TEK: variants seen among roughly 807,000 people sequenced by gnomAD.
TEK encodes TEK receptor tyrosine kinase.
TEK carries 43 observed loss-of-function variants against 131.8 expected under a neutral mutation model. The observed-to-expected ratio is 0.33, with a 90% CI of 0.26 to 0.42. The LOEUF is 0.42. Among genes scored for constraint, TEK ranks in the 10% least tolerant of loss-of-function variants. The pLI is 1.00. For missense variants in TEK, 1,162 were observed against 1,384.4 expected (o/e 0.84, Z 2.55); for synonymous variants, 580 against 491.6 (o/e 1.18, Z -2.38).
chr9:27,162,138 T>C (rs1212268876), intron 2 of TEK, among the ~76,000 whole-genome samples: 2 of 152,240 alleles, frequency 1.3e-5, no homozygotes, highest in African/African-American at 4.8e-5. Flanking sequence ...TGAAATCCTT[T>C]ATGATGAATC....
rs566490 is a variant in TEK at position 27,204,800 on chromosome 9, G to A, written c.2210-111G>A. On this transcript the variant is annotated intron_variant, in intron 13 of 22. Coordinates refer to ENST00000380036, the MANE Select transcript of TEK (RefSeq NM_000459.5). ...GGTCATATAGTGGTTAGGTGGCAGG[G>A]TTAAGGCTGCTGTTAAGTTCCCATT... The A allele has an allele frequency of 0.24, 347,194 of 1,448,456 alleles. 45,061 individuals are homozygous for A. The highest frequency in any genetic ancestry group is 0.26 in the Non-Finnish European group (274,029 of 1,038,206). The allele number at this position is 1,448,456 out of a possible 1,614,324, so 89.7% of individuals were successfully genotyped here. A position where few individuals can be genotyped will look rare whatever the true frequency, so the allele number is the denominator to read the frequency against.
At chr9:27,206,890 C>T (rs1825419139) in intron 15 of TEK, 98 bp downstream of exon 15, 1 of 1,383,388 alleles carries the variant, frequency 7.2e-7, no homozygotes, top group Non-Finnish European at 1.0e-6. Context: ...AAAAAATTGG[C>T]ATGGTATCAG....
chr9:27,227,053 C>T (rs1039026913), intron 21 of TEK, among the ~76,000 whole-genome samples: 16 of 152,184 alleles, frequency 1.1e-4, no homozygotes, highest in African/African-American at 3.6e-4. Flanking sequence ...TTGAGATTCA[C>T]TTCATAAGGG....
intron 2 of TEK, among the ~76,000 whole-genome samples, chr9:27,166,426 C>T (rs574002467): frequency 2.0e-5 from 3 of 152,242 alleles, no homozygotes; most frequent in South Asian, 4.1e-4. Flanking sequence ...TTGTCAGTTT[C>T]TTTAATTCTG....
At chr9:27,191,623 G>C (rs954601601) in intron 10 of TEK, among the ~76,000 whole-genome samples, 2 of 151,566 alleles carry the variant, frequency 1.3e-5, no homozygotes, top group Admixed American at 1.3e-4. Flanking sequence ...GGAGGGTTTT[G>C]GGCTGAATAA....
intron 19 of TEK, among the ~76,000 whole-genome samples, chr9:27,218,180 C>G (rs573918): frequency 2.7e-5 from 4 of 146,320 alleles, no homozygotes; most frequent in Admixed American, 6.8e-5. Flanking sequence ...CAGAGGCTGG[C>G]GGTGAAAGGA....
At chr9:27,224,861 T>C (rs149777488) in intron 21 of TEK, among the ~76,000 whole-genome samples, 52 of 152,304 alleles carry the variant, frequency 3.4e-4, no homozygotes, top group African/African-American at 1.1e-3. Context: ...GAAAACCCCA[T>C]TGTCTCAGCC....
intron 1 of TEK, among the ~76,000 whole-genome samples, chr9:27,122,532 G>C (rs1821830742): frequency 6.6e-6 from 1 of 152,130 alleles, no homozygotes; most frequent in Non-Finnish European, 1.5e-5. Context: ...TTGGAGAAAA[G>C]GTAATTTGGT....
intron 4 of TEK, 98 bp downstream of exon 4, chr9:27,169,727 A>G: frequency 1.3e-6 from 2 of 1,540,308 alleles, no homozygotes; most frequent in Non-Finnish European, 1.8e-6. Context: ...CTTCTTAAGC[A>G]AAAACCAGGC....
intron 1 of TEK, among the ~76,000 whole-genome samples, chr9:27,154,871 G>A (rs563665570): frequency 2.6e-5 from 4 of 152,258 alleles, no homozygotes; most frequent in Admixed American, 1.3e-4. Flanking sequence ...GAAAGTAAAG[G>A]GAGATCTCTG....
At chr9:27,132,105 T>C (rs1452691970) in intron 1 of TEK, among the ~76,000 whole-genome samples, 10 of 150,902 alleles carry the variant, frequency 6.6e-5, no homozygotes, top group African/African-American at 2.4e-4. Flanking sequence ...TTTTTTTTCT[T>C]GAGACGGAGT....
chr9:27,143,933 G>C (rs193096758), intron 1 of TEK, among the ~76,000 whole-genome samples: 3 of 152,162 alleles, frequency 2.0e-5, no homozygotes, highest in Non-Finnish European at 4.4e-5. Context: ...AGTTGAATGT[G>C]GAGAGAAGAG....
intron 11 of TEK, among the ~76,000 whole-genome samples, chr9:27,196,065 C>T (rs1824997434): frequency 6.6e-6 from 1 of 152,142 alleles, no homozygotes; most frequent in Admixed American, 6.5e-5. Flanking sequence ...GGGAAGGAAC[C>T]CCTAAATTGC....
At chr9:27,194,102 C>T (rs1422135513) in intron 11 of TEK, among the ~76,000 whole-genome samples, 1 of 152,224 alleles carries the variant, frequency 6.6e-6, no homozygotes, top group Admixed American at 6.5e-5. Flanking sequence ...TCACCACTCC[C>T]AGTCCAGGCT....
rs1449701829 is a variant in TEK, at chr9:27,213,466, T to A, written c.2878-18T>A. The A allele has an allele frequency of 6.3e-7, 1 of 1,595,452 alleles. No homozygotes were observed. The highest frequency in any genetic ancestry group is 1.7e-5 in the Admixed American group (1 of 59,968). The stretch of plus-strand genomic sequence containing the variant: ...CTTTCATTAGGCTGAAAATACATAA[T>A]GTTTTCAAAAATTTCAGTTTATCCA... On this transcript the variant is annotated intron_variant, in intron 17 of 22. Coordinates refer to ENST00000380036, the MANE Select transcript of TEK (RefSeq NM_000459.5).
chr9:27,137,485 A>G (rs1822510611), intron 1 of TEK, among the ~76,000 whole-genome samples: 2 of 152,216 alleles, frequency 1.3e-5, no homozygotes, highest in African/African-American at 4.8e-5. Context: ...AATTTAAAAC[A>G]AAGTTCTTAT....
chr9:27,207,466 T>A (rs1825438980), intron 15 of TEK, among the ~76,000 whole-genome samples: 1 of 152,228 alleles, frequency 6.6e-6, no homozygotes. Flanking sequence ...AAGAACTAAA[T>A]CTTTTCCAGC....
chr9:27,154,251 T>C lies in TEK; in HGVS notation c.53-3580T>C, dbSNP rs551585649. Among the ~76,000 whole-genome samples, 7 of 152,308 alleles carry C rather than the reference T, an allele frequency of 4.6e-5. No individual in the cohort carries two copies. In the East Asian group the frequency reaches 1.4e-3, roughly 29 times the overall value. On this transcript the variant is annotated intron_variant, in intron 1 of 22. Transcript: ENST00000380036. The stretch of plus-strand genomic sequence containing the variant: ...TTACATAGGTATACACATGCCATGG[T>C]GGCTTGCTGCACCCATCAACCTGTC...
chr9:27,115,977 A>T (rs1212439425), intron 1 of TEK, among the ~76,000 whole-genome samples: 1 of 152,188 alleles, frequency 6.6e-6, no homozygotes, highest in African/African-American at 2.4e-5. Flanking sequence ...TGTCTTGAAA[A>T]ATTCACTCTA....
Sources: gnomAD v4.1 joint callset for allele counts (sites outside exome capture counted in the v4.1 genomes callset) on GRCh38, gnomAD v4.1.1 for gene constraint, MANE v1.5 for transcripts, NCBI Gene and HGNC (gene_info 2026-07-23, HGNC 2026-07-21) for gene names.